ADAM7: variants seen among roughly 807,000 people sequenced by gnomAD.
ADAM7 encodes ADAM metallopeptidase domain 7.
Under a neutral mutation model 102.9 loss-of-function variants are expected in ADAM7, and 97 were observed. The ratio of observed to expected loss-of-function variants is 0.94; its 90% CI spans 0.80 to 1.12. The LOEUF is 1.12. Ranked by LOEUF, ADAM7 falls within the 50% of genes most tolerant of loss-of-function variation. The pLI, the probability that ADAM7 is intolerant of heterozygous loss-of-function variation, is 0.00. For missense variants in ADAM7, 991 were observed against 908.7 expected (o/e 1.09, Z -1.16); for synonymous variants, 334 against 304.4 (o/e 1.10, Z -1.01).
intron 9 of ADAM7, among the ~76,000 whole-genome samples, chr8:24,484,694 G>C (rs1158297720): frequency 6.6e-6 from 1 of 151,946 alleles, no homozygotes; most frequent in Admixed American, 6.6e-5. Flanking sequence ...CCAAAGCTGA[G>C]GGCAGAGTAG....
Position 24,492,528 on chromosome 8 carries a change from T to C in ADAM7, c.1586T>C (p.Met529Thr), listed in dbSNP as rs1820398949. 2 of 1,612,532 alleles carry C rather than the reference T, an allele frequency of 1.2e-6. No individual in the cohort carries two copies. Among genetic ancestry groups the C allele is most frequent in the Non-Finnish European group, 1.7e-6 (2 of 1,179,156 alleles). ...AIESHDICYK[M>T]NTKGNKFGYC... Reference sequence around the variant, plus strand: ...GAGAGTCATGATATCTGCTACAAGATGAATACAAAAGGAAATAAATTTGGA... The same window carrying C: ...GAGAGTCATGATATCTGCTACAAGACGAATACAAAAGGAAATAAATTTGGA... The change falls in exon 15 of 22, where the codon ATG (methionine) becomes ACG (threonine). Residue 529 changes from methionine to threonine, a missense_variant. Met to Thr is a moderately conservative substitution (Grantham distance 81). Coordinates refer to ENST00000175238, the MANE Select transcript of ADAM7 (RefSeq NM_003817.4).
chr8:24,457,383 C>T (rs1451579653), intron 3 of ADAM7, among the ~76,000 whole-genome samples: 1 of 152,074 alleles, frequency 6.6e-6, no homozygotes, highest in East Asian at 1.9e-4. Context: ...TCAAATGATT[C>T]TTGTGCCTCA....
intron 11 of ADAM7, among the ~76,000 whole-genome samples, chr8:24,488,305 T>C (rs945483516): frequency 6.6e-6 from 1 of 152,146 alleles, no homozygotes; most frequent in Non-Finnish European, 1.5e-5. Flanking sequence ...CCCATTGTAC[T>C]GTGAATTACC....
chr8:24,499,382 A>G (rs1374835743), intron 17 of ADAM7, 66 bp downstream of exon 17: 3 of 1,236,256 alleles, frequency 2.4e-6, no homozygotes, highest in Non-Finnish European at 2.3e-6. Flanking sequence ...TCCCCAGCCT[A>G]TATGTGCATG....
intron 7 of ADAM7, among the ~76,000 whole-genome samples, chr8:24,469,578 C>A (rs765522507): frequency 2.6e-5 from 4 of 151,788 alleles, no homozygotes; most frequent in Non-Finnish European, 5.9e-5. Context: ...CTTCAATAAT[C>A]CAAGATAAAA....
intron 3 of ADAM7, among the ~76,000 whole-genome samples, chr8:24,453,612 C>CG (rs1430921069): frequency 2.0e-5 from 3 of 152,168 alleles, no homozygotes; most frequent in African/African-American, 7.2e-5. Context: ...TCCTGTAGCT[C>CG]GGAGTAGTTT....
At chr8:24,487,069 A>T (rs1227166572) in intron 10 of ADAM7, 118 bp from the exon 11 acceptor site, 5 of 1,087,112 alleles carry the variant, frequency 4.6e-6, no homozygotes, top group Non-Finnish European at 2.5e-6. Flanking sequence ...ATGCCTTTTT[A>T]AATAGATACC....
intron 8 of ADAM7, among the ~76,000 whole-genome samples, chr8:24,481,345 CTAGT>C (rs1303227240): frequency 1.3e-5 from 2 of 152,258 alleles, no homozygotes; most frequent in East Asian, 3.9e-4. Context: ...TTCTTATTGA[CTAGT>C]TACATTGCCT....
chr8:24,467,615 A>C (rs1018295659), intron 6 of ADAM7: 3 of 152,362 alleles, frequency 2.0e-5, no homozygotes, highest in Non-Finnish European at 2.9e-5. Flanking sequence ...TGAATAAATC[A>C]ACAAATAAAT....
Position 24,468,708 on chromosome 8 carries a change from A to G in ADAM7, c.580-59A>G, listed in dbSNP as rs1819510358. On this transcript the variant is annotated intron_variant, in intron 6 of 21. Coordinates refer to ENST00000175238, the MANE Select transcript of ADAM7 (RefSeq NM_003817.4). ...AATACTAGGATTTTTTTTCCAACTT[A>G]AAGGGTTAAGATAGAAAGTGTTAAC... is the stretch of plus-strand genomic sequence containing the variant. 2 of 1,488,404 alleles carry G rather than the reference A, an allele frequency of 1.3e-6. 1 individual carries two copies. The highest frequency in any genetic ancestry group is 2.8e-5 in the African/African-American group (2 of 71,890). 92.2% of individuals were successfully genotyped at this position (1,488,404 alleles called of 1,614,324 possible).
At chr8:24,455,542 G>C (rs1818999741) in intron 3 of ADAM7, among the ~76,000 whole-genome samples, 1 of 152,120 alleles carries the variant, frequency 6.6e-6, no homozygotes, top group Admixed American at 6.5e-5. Context: ...TCAACTAGCT[G>C]GAACTACAGG....
chr8:24,490,831 A>T lies in ADAM7; in HGVS notation c.1299A>T (p.Thr433=). The T allele has an allele frequency of 6.2e-7, 1 of 1,613,758 alleles. No individual in the cohort carries two copies. The highest frequency in any genetic ancestry group is 8.5e-7 in the Non-Finnish European group (1 of 1,179,762). Residue 433 remains threonine (T), a synonymous_variant, in exon 13 of 22, where the codon ACA becomes ACT. Coordinates refer to ENST00000175238, the MANE Select transcript of ADAM7 (RefSeq NM_003817.4). ...ECTNPCCDAH[T]CVLKPGFTCA... ...CTAATCCTTGCTGTGATGCACACACATGTGTACTGAAGCCAGGATTTACTT... is the reference window on the plus strand; with the variant it reads ...CTAATCCTTGCTGTGATGCACACACTTGTGTACTGAAGCCAGGATTTACTT...
chr8:24,447,117 A>C (rs1818588736), intron 2 of ADAM7, 69 bp from the exon 3 acceptor site: 1 of 787,840 alleles, frequency 1.3e-6, no homozygotes, highest in Non-Finnish European at 1.9e-6. Flanking sequence ...ATTCACCCAA[A>C]GCACTACTTG....
Position 24,466,796 on chromosome 8 carries a change from C to A in ADAM7, c.390-3C>A, listed in dbSNP as rs1361746101. 6 of 1,609,460 alleles carry A rather than the reference C, an allele frequency of 3.7e-6. No homozygotes were observed. The South Asian group carries it at 5.6e-5, about 15-fold the overall frequency. On this transcript the variant is annotated splice_polypyrimidine_tract_variant and splice_region_variant and intron_variant, in intron 5 of 21. Transcript: ENST00000175238. ...ATACAAATTGTGTTCCCAATTTCTA[C>A]AGGGGATTCTTCAGAATAAACGACC... is the stretch of plus-strand genomic sequence containing the variant.
chr8:24,455,660 C>T (rs973235590), intron 3 of ADAM7, among the ~76,000 whole-genome samples: 4 of 152,216 alleles, frequency 2.6e-5, no homozygotes, highest in Non-Finnish European at 5.9e-5. Flanking sequence ...CCTGCCTTGG[C>T]CTCCCAAAGT....
chr8:24,494,615 C>T (rs1820490792), intron 16 of ADAM7, among the ~76,000 whole-genome samples: 1 of 152,170 alleles, frequency 6.6e-6, no homozygotes, highest in South Asian at 2.1e-4. Context: ...GGCAGAAGTA[C>T]ATCCATCACA....
Position 24,448,364 on chromosome 8 carries a change from C to T in ADAM7, c.233+1102C>T, listed in dbSNP as rs185472114. 1.1e-4 allele frequency among the ~76,000 whole-genome samples: 16 copies of T among 152,192 alleles called. No individual in the cohort carries two copies. In the East Asian group the frequency reaches 2.7e-3, roughly 26 times the overall value. On this transcript the variant is annotated intron_variant, in intron 3 of 21. Coordinates refer to ENST00000175238, the MANE Select transcript of ADAM7 (RefSeq NM_003817.4). ...GTCAATTTCATTGTATTAGCCACTGCGTAATTCTGCTAATCAGCCTGTAGT... is the reference window on the plus strand; with the variant it reads ...GTCAATTTCATTGTATTAGCCACTGTGTAATTCTGCTAATCAGCCTGTAGT...
intron 16 of ADAM7, among the ~76,000 whole-genome samples, chr8:24,497,389 TA>T (rs953058286): frequency 5.9e-5 from 9 of 152,144 alleles, no homozygotes; most frequent in African/African-American, 1.9e-4. Flanking sequence ...TAAACCTATA[TA>T]AAAAAGTATA....
intron 15 of ADAM7, 71 bp from the exon 16 acceptor site, chr8:24,492,972 G>C (rs1159294027): frequency 7.7e-6 from 11 of 1,424,844 alleles, no homozygotes; most frequent in Non-Finnish European, 9.3e-6. Context: ...TGACCGGGAG[G>C]CTCCATTGCC....
Sources: gnomAD v4.1 joint callset for allele counts (sites outside exome capture counted in the v4.1 genomes callset) on GRCh38, gnomAD v4.1.1 for gene constraint, MANE v1.5 for transcripts, NCBI Gene and HGNC (gene_info 2026-07-23, HGNC 2026-07-21) for gene names.